STIM1: variants seen among roughly 807,000 people sequenced by gnomAD.
The protein encoded by STIM1 is stromal interaction molecule 1.
In STIM1, 25 loss-of-function variants were observed where a neutral mutation model predicts 74.7. The observed-to-expected ratio is 0.33, with a 90% CI of 0.24 to 0.47. The LOEUF (loss-of-function observed/expected upper bound fraction) is 0.47, where lower values mean the gene tolerates loss of function less well. Among genes scored for constraint, STIM1 ranks in the 20% least tolerant of loss-of-function variants. The pLI is 1.00. For synonymous variants in STIM1, 328 were observed against 348.8 expected, an observed-to-expected ratio of 0.94 and a Z score of 0.66; for missense variants, 728 against 920.8, an observed-to-expected ratio of 0.79 and a Z score of 2.71.
intron 1 of STIM1, among the ~76,000 whole-genome samples, chr11:3,909,598 G>T (rs892807407): frequency 2.0e-5 from 3 of 152,154 alleles, no homozygotes; most frequent in Non-Finnish European, 4.4e-5. Context: ...GCTGAGGCGG[G>T]CGGATCACGA....
At chr11:4,090,820 C>G (rs2133260698) in intron 12 of STIM1, among the ~76,000 whole-genome samples, 1 of 152,336 alleles carries the variant, frequency 6.6e-6, no homozygotes, top group African/African-American at 2.4e-5. Context: ...AGTTCAGAGC[C>G]AGAGCATTCA....
rs189474324 is a variant in STIM1, at chr11:4,072,522, T to C, written c.792-1980T>C. On this transcript the variant is annotated intron_variant, in intron 6 of 12. Transcript: ENST00000526596. ...CCAGGACTAATTGCAATGCTAATTGTTGTTGCCTTGGAGTGGGGCAGTGCT... is the reference window on the plus strand; with the variant it reads ...CCAGGACTAATTGCAATGCTAATTGCTGTTGCCTTGGAGTGGGGCAGTGCT... Among the ~76,000 whole-genome samples, 148 of 152,328 alleles carry C rather than the reference T, an allele frequency of 9.7e-4. 3 individuals carry two copies. In the East Asian group the frequency reaches 0.027, roughly 28 times the overall value.
intron 3 of STIM1, among the ~76,000 whole-genome samples, chr11:4,048,498 T>C (rs1203098622): frequency 1.3e-5 from 2 of 152,116 alleles, no homozygotes; most frequent in Non-Finnish European, 2.9e-5. Context: ...GTTCAGCATA[T>C]CTGTATTGCT....
intron 1 of STIM1, among the ~76,000 whole-genome samples, chr11:3,940,688 A>G (rs1313545405): frequency 6.6e-6 from 1 of 152,136 alleles, no homozygotes; most frequent in Non-Finnish European, 1.5e-5. Flanking sequence ...TAAACTGGAA[A>G]GGTTGGTTAG....
intron 1 of STIM1, among the ~76,000 whole-genome samples, chr11:3,928,166 A>C (rs1261906943): frequency 6.6e-6 from 1 of 151,884 alleles, no homozygotes; most frequent in Non-Finnish European, 1.5e-5. Flanking sequence ...TGATCTCCCT[A>C]AGGAAGGACA....
intron 1 of STIM1, among the ~76,000 whole-genome samples, chr11:3,921,543 A>G (rs1263481258): frequency 6.6e-6 from 1 of 152,216 alleles, no homozygotes; most frequent in Non-Finnish European, 1.5e-5. Context: ...GGCCTTGGTA[A>G]GATGTGTGTG....
chr11:4,007,112 C>T (rs2093789673), intron 2 of STIM1, among the ~76,000 whole-genome samples: 1 of 152,102 alleles, frequency 6.6e-6, no homozygotes, highest in Non-Finnish European at 1.5e-5. Context: ...CATGTGCCAC[C>T]TCCTGGGAGA....
rs972182819 is a variant in STIM1, at chr11:3,998,098, T to TAC, written c.271-25763_271-25762dup. ...ATCTTTAATCCTTCTTAAAACATAT[T>TAC]ACACACACACACAGACAGGAGAGCT... On this transcript the variant is annotated intron_variant, in intron 2 of 12. Coordinates refer to ENST00000526596, the MANE Select transcript of STIM1 (RefSeq NM_001382567.1). Among the ~76,000 whole-genome samples, 22 of 152,078 alleles carry TAC rather than the reference T, an allele frequency of 1.4e-4. No homozygotes were observed. The East Asian group carries it at 4.2e-3, about 29-fold the overall frequency.
chr11:3,933,139 T>G (rs1308529214), intron 1 of STIM1, among the ~76,000 whole-genome samples: 2 of 152,228 alleles, frequency 1.3e-5, no homozygotes, highest in Non-Finnish European at 2.9e-5. Context: ...ATTCTGATAC[T>G]GCTTATAGAC....
In STIM1 at chr11:3,936,731, A is replaced by G. The variant is rs544823881; in HGVS notation, c.140-30821A>G. Among the ~76,000 whole-genome samples the G allele has an allele frequency of 3.9e-4, 59 of 152,306 alleles. 1 individual carries two copies. Among genetic ancestry groups the G allele is most frequent in the African/African-American group, 1.3e-3 (55 of 41,566 alleles). ...GGCAACATAGATAGTCTGGAGATGG[A>G]GAGTGGCCTTGAAATCCAATCCTTT... On this transcript the variant is annotated intron_variant, in intron 1 of 12. Transcript: ENST00000526596.
At chr11:3,963,623 G>C (rs1450830268) in intron 1 of STIM1, among the ~76,000 whole-genome samples, 1 of 152,038 alleles carries the variant, frequency 6.6e-6, no homozygotes, top group Non-Finnish European at 1.5e-5. Flanking sequence ...TTAATATTTA[G>C]GTATTCATTT....
At chr11:3,911,151 A>G (rs1003095867) in intron 1 of STIM1, among the ~76,000 whole-genome samples, 2 of 152,298 alleles carry the variant, frequency 1.3e-5, no homozygotes, top group African/African-American at 2.4e-5. Context: ...AGCAAGGATG[A>G]GACTCCAAAG....
intron 1 of STIM1, among the ~76,000 whole-genome samples, chr11:3,946,163 A>G (rs536242927): frequency 6.6e-6 from 1 of 152,348 alleles, no homozygotes; most frequent in African/African-American, 2.4e-5. Flanking sequence ...AATTTCTTGA[A>G]TAATAGTATA....
At chr11:4,055,116 A>G (rs1038405546) in intron 3 of STIM1, among the ~76,000 whole-genome samples, 10 of 152,338 alleles carry the variant, frequency 6.6e-5, no homozygotes, top group Middle Eastern at 3.4e-3. Flanking sequence ...AAAATATTCC[A>G]AAATCAAATT....
intron 1 of STIM1, among the ~76,000 whole-genome samples, chr11:3,913,563 T>G (rs570416810): frequency 1.3e-5 from 2 of 152,332 alleles, no homozygotes; most frequent in African/African-American, 4.8e-5. Context: ...TTTCTTGCCA[T>G]GCCTTGCTTC....
intron 2 of STIM1, among the ~76,000 whole-genome samples, chr11:4,021,364 G>A (rs1378012010): frequency 3.3e-5 from 5 of 152,218 alleles, no homozygotes; most frequent in East Asian, 1.9e-4. Context: ...AGCTTCAGGC[G>A]ATCCACCTGC....
intron 7 of STIM1, among the ~76,000 whole-genome samples, chr11:4,076,777 C>T (rs2094440111): frequency 1.4e-5 from 2 of 139,618 alleles, no homozygotes; most frequent in African/African-American, 2.7e-5. Context: ...TATTGTGGTT[C>T]CTTTTTTGGG....
At chr11:4,085,059 G>A (rs2094485330) in intron 11 of STIM1, among the ~76,000 whole-genome samples, 1 of 152,134 alleles carries the variant, frequency 6.6e-6, no homozygotes, top group African/African-American at 2.4e-5. Context: ...GAGGGAAAGA[G>A]GGAAGGACAA....
At chr11:3,934,667 A>G (rs2092911751) in intron 1 of STIM1, among the ~76,000 whole-genome samples, 2 of 152,234 alleles carry the variant, frequency 1.3e-5, no homozygotes, top group Non-Finnish European at 2.9e-5. Context: ...TGCCCAAATC[A>G]AAAGTAGATG....
Sources: allele counts gnomAD v4.1 joint callset (sites outside exome capture counted in the v4.1 genomes callset), GRCh38; gene constraint gnomAD v4.1.1; transcripts MANE v1.5; gene names NCBI Gene and HGNC (gene_info 2026-07-23, HGNC 2026-07-21).